Variants in ASB3 observed in about 807,000 individuals in gnomAD.
The protein encoded by ASB3 is ankyrin repeat and SOCS box containing 3.
ASB3 carries 41 observed loss-of-function variants against 54.5 expected under a neutral mutation model. That is an observed-to-expected ratio of 0.75 (90% confidence interval 0.59 to 0.98). The LOEUF is 0.98. Among genes scored for constraint, ASB3 ranks in the 50% least tolerant of loss-of-function variants. The pLI, the probability that ASB3 is intolerant of heterozygous loss-of-function variation, is 0.00. For synonymous variants in ASB3, 266 were observed against 221.2 expected (o/e 1.20, Z -1.80); for missense variants, 733 against 620.0 (o/e 1.18, Z -1.94).
intron 1 of ASB3, chr2:53,786,597 C>A (rs1573050438): frequency 6.6e-6 from 1 of 152,374 alleles, no homozygotes; most frequent in African/African-American, 2.4e-5. Flanking sequence ...ATGCCAAATG[C>A]GGAGAAAAAG....
chr2:53,757,203 C>G (rs1460221264), intron 2 of ASB3, among the ~76,000 whole-genome samples: 5 of 152,206 alleles, frequency 3.3e-5, no homozygotes, highest in African/African-American at 1.2e-4. Flanking sequence ...ATACCGGGCA[C>G]CTGTCAGCCA....
chr2:53,676,452 C>G (rs550951895), intron 9 of ASB3, among the ~76,000 whole-genome samples: 1 of 152,194 alleles, frequency 6.6e-6, no homozygotes, highest in Non-Finnish European at 1.5e-5. Flanking sequence ...CAGGCATACA[C>G]TGCGTAAGGA....
chr2:53,675,531 T>C (rs966619252), intron 9 of ASB3, among the ~76,000 whole-genome samples: 5 of 152,198 alleles, frequency 3.3e-5, no homozygotes, highest in African/African-American at 1.2e-4. Context: ...TACATGGATG[T>C]AGCTGAAATA....
intron 5 of ASB3, among the ~76,000 whole-genome samples, chr2:53,717,171 C>A (rs1438256982): frequency 6.6e-6 from 1 of 152,160 alleles, no homozygotes; most frequent in Non-Finnish European, 1.5e-5. Context: ...TCATTCCAAT[C>A]CCTCCTCCAA....
At chr2:53,741,652 A>C (rs1188643118) in intron 3 of ASB3, among the ~76,000 whole-genome samples, 2 of 152,198 alleles carry the variant, frequency 1.3e-5, no homozygotes, top group Non-Finnish European at 2.9e-5. Flanking sequence ...ACCATATACT[A>C]GAATTCAAAT....
At chr2:53,720,391 C>T (rs1223566957) in intron 5 of ASB3, among the ~76,000 whole-genome samples, 1 of 152,166 alleles carries the variant, frequency 6.6e-6, no homozygotes, top group Non-Finnish European at 1.5e-5. Flanking sequence ...CCTAAATTGA[C>T]TGAGATCTCT....
intron 2 of ASB3, among the ~76,000 whole-genome samples, chr2:53,761,284 A>T (rs771831685): frequency 6.6e-6 from 1 of 152,222 alleles, no homozygotes; most frequent in Non-Finnish European, 1.5e-5. Flanking sequence ...GAAATAGTCA[A>T]ATCATATATC....
intron 3 of ASB3, among the ~76,000 whole-genome samples, chr2:53,732,328 A>G (rs1300281883): frequency 6.6e-6 from 1 of 152,240 alleles, no homozygotes; most frequent in African/African-American, 2.4e-5. Context: ...AAATGAAATT[A>G]CCATATTAAA....
chr2:53,774,112 T>C, intron 1 of ASB3: 12 of 1,553,560 alleles, frequency 7.7e-6, no homozygotes, highest in Non-Finnish European at 1.0e-5. Context: ...AGCCTTATAA[T>C]ACCAGTGTAT....
At chr2:53,713,912 CA>C (rs1242823271) in intron 7 of ASB3, among the ~76,000 whole-genome samples, 49 of 141,404 alleles carry the variant, frequency 3.5e-4, no homozygotes, top group Admixed American at 8.5e-4. Flanking sequence ...GACCCTGTCT[CA>C]AAAAAAAAAA....
chr2:53,726,691 T>G (rs1671018397), intron 5 of ASB3, among the ~76,000 whole-genome samples: 1 of 151,344 alleles, frequency 6.6e-6, no homozygotes, highest in Non-Finnish European at 1.5e-5. Context: ...TATATATATA[T>G]AGTTTTGTTT....
At chr2:53,749,098 G>C (rs917433351) in intron 3 of ASB3, among the ~76,000 whole-genome samples, 2 of 152,034 alleles carry the variant, frequency 1.3e-5, no homozygotes, top group Non-Finnish European at 2.9e-5. Flanking sequence ...CCTTTGTACT[G>C]TTATTGACTA....
At position 53,750,790 on chromosome 2, in the gene ASB3, C is replaced by T. The variant is rs1395936671; in HGVS notation, c.348G>A (p.Leu116=). 1 of 1,556,006 alleles carries T rather than the reference C, an allele frequency of 6.4e-7. No homozygotes were observed. The highest frequency in any genetic ancestry group is 1.4e-5 in the African/African-American group (1 of 72,424). Residue 116 remains leucine, a synonymous_variant, in exon 3 of 10, where the codon TTG becomes TTA. Coordinates refer to ENST00000263634, the MANE Select transcript of ASB3 (RefSeq NM_016115.5). ...CACAAATAGCATACTTACCTAAAAA[C>T]AATGGTGTCGTTTCTTCTAAAGTAG... ...NATTLEETTP[L]FLAVENGQID...
intron 9 of ASB3, among the ~76,000 whole-genome samples, chr2:53,692,055 T>C (rs1279688316): frequency 6.6e-6 from 1 of 152,328 alleles, no homozygotes; most frequent in Non-Finnish European, 1.5e-5. Flanking sequence ...CATTGTAGGA[T>C]GCTTGGCAGC....
At chr2:53,703,834 T>C (rs766643167) in intron 7 of ASB3, among the ~76,000 whole-genome samples, 4 of 152,174 alleles carry the variant, frequency 2.6e-5, no homozygotes, top group South Asian at 2.1e-4. Flanking sequence ...AGGTGTTAAT[T>C]ACAACAATCA....
chr2:53,777,628 C>G (rs911893882), intron 1 of ASB3, among the ~76,000 whole-genome samples: 1 of 152,062 alleles, frequency 6.6e-6, no homozygotes, highest in Admixed American at 6.6e-5. Flanking sequence ...CTTTCCCAAC[C>G]AGAAAATCTG....
At chr2:53,685,241 A>G (rs1668575209) in intron 9 of ASB3, among the ~76,000 whole-genome samples, 1 of 152,236 alleles carries the variant, frequency 6.6e-6, no homozygotes, top group Non-Finnish European at 1.5e-5. Context: ...ACTGAAGTCA[A>G]GTAAGTCAGA....
chr2:53,746,163 G>C (rs1413679650), intron 3 of ASB3, among the ~76,000 whole-genome samples: 1 of 151,952 alleles, frequency 6.6e-6, no homozygotes, highest in Non-Finnish European at 1.5e-5. Flanking sequence ...GGGTGTGGTG[G>C]CGGTGCTTGT....
intron 2 of ASB3, among the ~76,000 whole-genome samples, chr2:53,761,517 G>T (rs1273843462): frequency 2.6e-5 from 4 of 152,050 alleles, no homozygotes; most frequent in Admixed American, 2.0e-4. Context: ...TGATCCTCAG[G>T]CCTTCAAACT....
Sources: gnomAD v4.1 joint callset for allele counts (sites outside exome capture counted in the v4.1 genomes callset) on GRCh38, gnomAD v4.1.1 for gene constraint, MANE v1.5 for transcripts, NCBI Gene and HGNC (gene_info 2026-07-23, HGNC 2026-07-21) for gene names.